MACROD2: variants seen among roughly 807,000 people sequenced by gnomAD.
The protein encoded by MACROD2 is ADP-ribose glycohydrolase MACROD2.
In MACROD2, 36 loss-of-function variants were observed where a neutral mutation model predicts 70.4. That is an observed-to-expected ratio of 0.51 (90% confidence interval 0.39 to 0.68). The LOEUF (loss-of-function observed/expected upper bound fraction) is 0.68. Among genes scored for constraint, MACROD2 ranks in the 30% least tolerant of loss-of-function variants. The probability of loss-of-function intolerance (pLI) is 0.00; values close to 1 mark genes in which losing one functional copy is unlikely to be tolerated. For synonymous variants in MACROD2, 172 were observed against 178.8 expected, an observed-to-expected ratio of 0.96 and a Z score of 0.30; for missense variants, 496 against 538.4, an observed-to-expected ratio of 0.92 and a Z score of 0.78.
chr20:15,605,764 A>T (rs2048884959), intron 8 of MACROD2, among the ~76,000 whole-genome samples: 1 of 152,184 alleles, frequency 6.6e-6, no homozygotes, highest in African/African-American at 2.4e-5. Context: ...ATATTTTATG[A>T]CATAGCCATT....
intron 8 of MACROD2, among the ~76,000 whole-genome samples, chr20:15,543,426 C>CA (rs2047984359): frequency 6.6e-6 from 1 of 151,842 alleles, no homozygotes; most frequent in South Asian, 2.1e-4. Context: ...AATGGTGCCA[C>CA]ACACAGGTGA....
At chr20:14,970,687 G>C (rs1376769240) in intron 5 of MACROD2, among the ~76,000 whole-genome samples, 1 of 152,076 alleles carries the variant, frequency 6.6e-6, no homozygotes, top group African/African-American at 2.4e-5. Context: ...CACTCACTCT[G>C]TTACCCAGGA....
intron 5 of MACROD2, among the ~76,000 whole-genome samples, chr20:14,827,688 G>T (rs2072917574): frequency 6.7e-6 from 1 of 148,600 alleles, no homozygotes; most frequent in African/African-American, 2.5e-5. Context: ...TATTCTCCTT[G>T]CCAGAAAAAA....
intron 3 of MACROD2, among the ~76,000 whole-genome samples, chr20:14,436,686 A>T (rs1245007229): frequency 1.3e-5 from 2 of 152,226 alleles, no homozygotes; most frequent in African/African-American, 2.4e-5. Flanking sequence ...TAGGCTTGAC[A>T]AGTACAAGGA....
chr20:14,125,220 A>T (rs537665433), intron 3 of MACROD2, among the ~76,000 whole-genome samples: 1 of 152,164 alleles, frequency 6.6e-6, no homozygotes, highest in African/African-American at 2.4e-5. Flanking sequence ...TTGAAACTAG[A>T]TAAAGGTGGT....
At chr20:15,585,202 CTTT>C (rs397865605) in intron 8 of MACROD2, among the ~76,000 whole-genome samples, 1 of 139,562 alleles carries the variant, frequency 7.2e-6, no homozygotes. Context: ...TCTTTTTTTT[CTTT>C]TTTTTTTTTT....
intron 3 of MACROD2, among the ~76,000 whole-genome samples, chr20:14,357,768 C>T (rs1170917396): frequency 2.0e-5 from 3 of 152,152 alleles, no homozygotes; most frequent in Non-Finnish European, 4.4e-5. Context: ...TTCTATTCAT[C>T]TGTCAAGAAG....
intron 8 of MACROD2, among the ~76,000 whole-genome samples, chr20:15,636,032 C>T (rs1457195591): frequency 1.6e-5 from 2 of 128,984 alleles, no homozygotes; most frequent in Non-Finnish European, 3.1e-5. Context: ...TGTGCCACTG[C>T]ACTCCATCCA....
chr20:14,474,723 A>G (rs918509025), intron 3 of MACROD2, among the ~76,000 whole-genome samples: 4 of 152,020 alleles, frequency 2.6e-5, no homozygotes, highest in African/African-American at 4.8e-5. Flanking sequence ...ATTATACAAT[A>G]TATTTTTGTT....
intron 5 of MACROD2, among the ~76,000 whole-genome samples, chr20:14,729,014 A>C (rs1600595545): frequency 6.6e-6 from 1 of 152,136 alleles, no homozygotes; most frequent in Non-Finnish European, 1.5e-5. Flanking sequence ...CAATTAGATA[A>C]ATTTCTGATA....
intron 3 of MACROD2, among the ~76,000 whole-genome samples, chr20:14,123,956 A>G (rs920700074): frequency 2.0e-5 from 3 of 152,024 alleles, no homozygotes; most frequent in African/African-American, 7.2e-5. Context: ...CTAGCATTTT[A>G]GTTCTTTCTT....
intron 5 of MACROD2, among the ~76,000 whole-genome samples, chr20:14,686,355 A>G (rs116893110): frequency 0.024 from 3,722 of 152,318 alleles, 76 homozygotes; most frequent in Non-Finnish European, 0.037. Flanking sequence ...GTGTGATATT[A>G]TACAATATTT....
chr20:14,314,029 C>T (rs1471847863), intron 3 of MACROD2, among the ~76,000 whole-genome samples: 3 of 152,146 alleles, frequency 2.0e-5, no homozygotes, highest in African/African-American at 7.2e-5. Context: ...TACACTGATA[C>T]ATTTTAGTAA....
At chr20:15,027,573 C>T (rs897649627) in intron 5 of MACROD2, among the ~76,000 whole-genome samples, 1 of 151,606 alleles carries the variant, frequency 6.6e-6, no homozygotes, top group Admixed American at 6.6e-5. Flanking sequence ...GAAATAATAT[C>T]TATTTGTGAA....
At chr20:14,240,306 A>G (rs981934383) in intron 3 of MACROD2, among the ~76,000 whole-genome samples, 1 of 152,230 alleles carries the variant, frequency 6.6e-6, no homozygotes, top group Non-Finnish European at 1.5e-5. Flanking sequence ...TTAAAACAGA[A>G]CTATGATTCA....
At chr20:14,235,704 A>G (rs1333370026) in intron 3 of MACROD2, among the ~76,000 whole-genome samples, 1 of 151,480 alleles carries the variant, frequency 6.6e-6, no homozygotes, top group African/African-American at 2.4e-5. Context: ...CACTTTTTTC[A>G]CGATTCATTT....
chr20:14,048,597 A>T (rs1267288754), intron 2 of MACROD2, among the ~76,000 whole-genome samples: 2 of 152,170 alleles, frequency 1.3e-5, no homozygotes, highest in African/African-American at 2.4e-5. Context: ...CCTTCACGAT[A>T]AAGGCAAAAT....
intron 5 of MACROD2, among the ~76,000 whole-genome samples, chr20:14,891,542 C>T (rs1298494414): frequency 6.6e-6 from 1 of 152,088 alleles, no homozygotes. Flanking sequence ...CCAGCCATGT[C>T]TTGTACATAG....
intron 15 of MACROD2, among the ~76,000 whole-genome samples, chr20:15,991,334 G>A (rs566398700): frequency 1.4e-4 from 22 of 152,252 alleles, no homozygotes; most frequent in Admixed American, 3.3e-4. Context: ...ATCCATTAGA[G>A]GTTTATCTCA....
Sources: allele counts gnomAD v4.1 joint callset (sites outside exome capture counted in the v4.1 genomes callset), GRCh38; gene constraint gnomAD v4.1.1; transcripts MANE v1.5; gene names NCBI Gene and HGNC (gene_info 2026-07-23, HGNC 2026-07-21).